KIF5C: variants seen among roughly 807,000 people sequenced by gnomAD.
KIF5C encodes the protein kinesin heavy chain isoform 5C.
In KIF5C, 18 loss-of-function variants were observed where a neutral mutation model predicts 125.2. That is an observed-to-expected ratio of 0.14 (90% CI 0.10 to 0.21). The LOEUF (loss-of-function observed/expected upper bound fraction) is 0.21. KIF5C is among the 10% of genes least tolerant of loss of function. KIF5C has a pLI of 1.00. For synonymous variants in KIF5C, 405 were observed against 434.0 expected (o/e 0.93, Z 0.83); for missense variants, 780 against 1,183.8 (o/e 0.66, Z 5.01).
Position 148,945,352 on chromosome 2 carries a change from T to G in KIF5C, c.590-1547T>G, listed in dbSNP as rs374411357. Among the ~76,000 whole-genome samples, 6 of 152,334 alleles carry G rather than the reference T, an allele frequency of 3.9e-5. No individual in the cohort carries two copies. In the East Asian group the frequency reaches 1.2e-3, roughly 29 times the overall value. ...GCCCAACATTAATATATTTTTTGCA[T>G]GTAGCTATCCAGTTTTTCCAACACT... On this transcript the variant is annotated intron_variant, in intron 7 of 25. Transcript: ENST00000435030.
At chr2:148,932,942 G>A (rs1682212662) in intron 3 of KIF5C, among the ~76,000 whole-genome samples, 1 of 152,120 alleles carries the variant, frequency 6.6e-6, no homozygotes, top group South Asian at 2.1e-4. Flanking sequence ...TCTTTCATAT[G>A]TGCTCCTAAA....
intron 25 of KIF5C, 43 bp downstream of exon 25, chr2:149,011,726 G>A: frequency 6.2e-7 from 1 of 1,612,154 alleles, no homozygotes; most frequent in East Asian, 2.2e-5. Context: ...TGGAGGCAGA[G>A]GCTTCTTGCC....
intron 10 of KIF5C, among the ~76,000 whole-genome samples, chr2:148,959,143 C>T (rs529601519): frequency 1.3e-5 from 2 of 152,270 alleles, no homozygotes; most frequent in East Asian, 3.9e-4. Flanking sequence ...TCCACTTCCC[C>T]TCAGTGCCAT....
rs760772241 is a variant in KIF5C, at chr2:149,010,198, A to G, written c.2614A>G (p.Thr872Ala). 1 of 1,557,026 alleles carries G rather than the reference A, an allele frequency of 6.4e-7. No homozygotes were observed. Residue 872 changes from threonine to alanine, a missense_variant, in exon 24 of 26, where the codon ACG (threonine) becomes GCG (alanine). This residue lies in a region of KIF5C where 573 missense variants were observed against 742.6 expected (regional missense o/e 0.77). Coordinates refer to ENST00000435030, the MANE Select transcript of KIF5C (RefSeq NM_004522.3). ...LPKLEKRLRA[T>A]AERVKALESA... is the part of the protein sequence containing the mutation. ...CAAGCTGGAGAAGCGGCTGCGTGCC[A>G]CGGCGGAGCGCGTCAAGGCTCTGGA...
At position 148,998,424 on chromosome 2, in the gene KIF5C, A is replaced by T. The variant is rs1681740713; in HGVS notation, c.2125A>T (p.Ser709Cys). ...MKKALEQQME[S>C]HREAHQKQLS... ...GAAGGCGCTGGAGCAGCAGATGGAG[A>T]GCCACCGGGAAGCTCACCAGAAGCA... Residue 709 changes from serine to cysteine, a missense_variant, in exon 19 of 26, where the codon AGC becomes TGC. Physicochemically the swap from Ser to Cys is moderately radical, Grantham distance 112 (BLOSUM62 -1). Coordinates refer to ENST00000435030, the MANE Select transcript of KIF5C (RefSeq NM_004522.3). 1.3e-6 allele frequency: 2 copies of T among 1,565,484 alleles called. No individual in the cohort carries two copies. Among genetic ancestry groups the T allele is most frequent in the Non-Finnish European group, 1.7e-6 (2 of 1,154,972 alleles).
intron 16 of KIF5C, among the ~76,000 whole-genome samples, chr2:148,992,262 A>C (rs555899658): frequency 6.6e-6 from 1 of 152,354 alleles, no homozygotes; most frequent in East Asian, 1.9e-4. Context: ...CTAATATGTG[A>C]TAGTAAAATT....
chr2:148,984,259 G>A (rs943736281), intron 15 of KIF5C, among the ~76,000 whole-genome samples: 2 of 152,212 alleles, frequency 1.3e-5, no homozygotes, highest in Non-Finnish European at 2.9e-5. Flanking sequence ...TTGCCACTCA[G>A]GGTGTGATCT....
Position 148,983,776 on chromosome 2 carries a change from C to T in KIF5C, c.1716+10C>T, listed in dbSNP as rs752726670. On this transcript the variant is annotated intron_variant, in intron 15 of 25. Transcript: ENST00000435030. ...CAATGATGTGAAAACTGTAAGCCAGCCCTTCTTTTATCCTCTCTACCTGCT... is the reference window on the plus strand; with the variant it reads ...CAATGATGTGAAAACTGTAAGCCAGTCCTTCTTTTATCCTCTCTACCTGCT... The T allele has an allele frequency of 6.9e-6, 11 of 1,591,076 alleles. No individual in the cohort carries two copies. The highest frequency in any genetic ancestry group is 3.4e-5 in the South Asian group (3 of 87,072).
At chr2:148,955,913 G>A (rs1046128355) in intron 10 of KIF5C, among the ~76,000 whole-genome samples, 7 of 152,330 alleles carry the variant, frequency 4.6e-5, no homozygotes, top group South Asian at 2.1e-4. Context: ...AAAGAAGGAT[G>A]CTGAAATAAA....
chr2:148,891,884 G>T (rs1681717460), intron 1 of KIF5C, among the ~76,000 whole-genome samples: 1 of 152,084 alleles, frequency 6.6e-6, no homozygotes, highest in South Asian at 2.1e-4. Flanking sequence ...TTTTAGTAGA[G>T]GTGGGGTTTC....
chr2:149,001,683 C>T (rs1681855466), intron 21 of KIF5C, among the ~76,000 whole-genome samples: 1 of 152,232 alleles, frequency 6.6e-6, no homozygotes, highest in African/African-American at 2.4e-5. Context: ...TGCCTGGCTC[C>T]GTGCCCCACA....
rs150565553 is a variant in KIF5C, at chr2:148,924,973, A to C, written c.217+2746A>C. On this transcript the variant is annotated intron_variant, in intron 2 of 25. Transcript: ENST00000435030. The surrounding 1 kb of genome is among the most constrained non-coding windows in gnomAD (Gnocchi z 4.0). ...ACTGTCTGCAAGGAGCTTTGAGTACAGGGAAAGAGACAGATGTGTACATAA... is the reference window on the plus strand; with the variant it reads ...ACTGTCTGCAAGGAGCTTTGAGTACCGGGAAAGAGACAGATGTGTACATAA... Among the ~76,000 whole-genome samples, 715 of 152,330 alleles carry C rather than the reference A, an allele frequency of 4.7e-3. 23 individuals are homozygous for C. Among genetic ancestry groups the C allele is most frequent in the Admixed American group, 0.036 (556 of 15,304 alleles).
intron 25 of KIF5C, among the ~76,000 whole-genome samples, chr2:149,017,628 G>T (rs1406911384): frequency 2.6e-5 from 4 of 152,176 alleles, no homozygotes; most frequent in African/African-American, 9.7e-5. Flanking sequence ...TCTGAAAGAC[G>T]GAAGGCAGAA....
At chr2:148,886,664 TCTAA>T (rs1356893408) in intron 1 of KIF5C, among the ~76,000 whole-genome samples, 1 of 152,176 alleles carries the variant, frequency 6.6e-6, no homozygotes, top group Non-Finnish European at 1.5e-5. Flanking sequence ...ATCAAATCCC[TCTAA>T]CTACTAATTG....
chr2:148,934,543 A>G (rs572318698), intron 3 of KIF5C, among the ~76,000 whole-genome samples: 8 of 144,510 alleles, frequency 5.5e-5, no homozygotes, highest in Admixed American at 4.9e-4. Context: ...CACACACACA[A>G]CACACACGCA....
Position 148,994,462 on chromosome 2 carries a change from C to T in KIF5C, c.1947C>T (p.Asn649=). The part of the protein sequence containing the change: ...KIKSLTDYMQ[N]MEQKRRQLEE... The stretch of plus-strand genomic sequence containing the variant: ...AGTCTCTGACAGACTACATGCAGAA[C>T]ATGGAACAGAAGAGGAGGCAGCTAG... The change falls in exon 17 of 26, where the codon AAC becomes AAT. Residue 649 remains asparagine (N), a synonymous_variant. Transcript: ENST00000435030. 3 of 1,575,878 alleles carry T rather than the reference C, an allele frequency of 1.9e-6. No individual in the cohort carries two copies. The highest frequency in any genetic ancestry group is 1.2e-5 in the South Asian group (1 of 85,504).
At chr2:148,989,197 G>A (rs1681458595) in intron 15 of KIF5C, among the ~76,000 whole-genome samples, 1 of 152,102 alleles carries the variant, frequency 6.6e-6, no homozygotes, top group Admixed American at 6.5e-5. Flanking sequence ...TCCCACTTAT[G>A]AGTGAGAATA....
intron 25 of KIF5C, among the ~76,000 whole-genome samples, chr2:149,017,275 G>A (rs1398420905): frequency 1.3e-5 from 2 of 152,176 alleles, no homozygotes; most frequent in Non-Finnish European, 2.9e-5. Flanking sequence ...AGCTGTGGGT[G>A]GGCGGTAGAT....
In KIF5C at chr2:148,929,760, GT is replaced by G. The variant is rs576778787; in HGVS notation, c.291+408del. ...AACTGTAGGTCAGAGATTTTTAAAAGTTGGCTTGTGGGCCACGTTCAGCCCA... is the reference window on the plus strand; with the variant it reads ...AACTGTAGGTCAGAGATTTTTAAAAGTGGCTTGTGGGCCACGTTCAGCCCA... On this transcript the variant is annotated intron_variant, in intron 3 of 25. Coordinates refer to ENST00000435030, the MANE Select transcript of KIF5C (RefSeq NM_004522.3). Among the ~76,000 whole-genome samples the G allele has an allele frequency of 1.9e-3, 291 of 151,970 alleles. 2 individuals are homozygous for G. The highest frequency in any genetic ancestry group is 6.4e-3 in the African/African-American group (267 of 41,480).
Sources: allele counts gnomAD v4.1 joint callset (sites outside exome capture counted in the v4.1 genomes callset), GRCh38; gene constraint gnomAD v4.1.1; regional missense constraint gnomAD v4.1.1; non-coding constraint Gnocchi (gnomAD v3.1); transcripts MANE v1.5; gene names NCBI Gene and HGNC (gene_info 2026-07-23, HGNC 2026-07-21).